BRINP3: variants seen among roughly 807,000 people sequenced by gnomAD.
BRINP3 encodes BMP/retinoic acid-inducible neural-specific protein 3.
A neutral mutation model predicts 71.0 loss-of-function variants in BRINP3; 19 were observed. The observed-to-expected ratio is 0.27, with a 90% CI of 0.19 to 0.39. BRINP3 has a LOEUF of 0.39. Among genes scored for constraint, BRINP3 ranks in the 10% least tolerant of loss-of-function variants. The pLI is 1.00. For synonymous variants in BRINP3, 380 were observed against 337.7 expected (o/e 1.13, Z -1.37); for missense variants, 959 against 940.8 (o/e 1.02, Z -0.25).
intron 2 of BRINP3, among the ~76,000 whole-genome samples, chr1:190,304,392 GAT>G (rs1274724137): frequency 6.6e-6 from 1 of 151,658 alleles, no homozygotes; most frequent in African/African-American, 2.4e-5. Flanking sequence ...ATACTACGAA[GAT>G]ATATTAACCC....
chr1:190,392,037 G>A (rs909852004), intron 2 of BRINP3, among the ~76,000 whole-genome samples: 3 of 131,306 alleles, frequency 2.3e-5, no homozygotes, highest in African/African-American at 8.6e-5. Flanking sequence ...TGTTAAAAAC[G>A]GAACAAGGGT....
At chr1:190,190,219 C>T (rs920636254) in intron 6 of BRINP3, among the ~76,000 whole-genome samples, 1 of 152,044 alleles carries the variant, frequency 6.6e-6, no homozygotes, top group Non-Finnish European at 1.5e-5. Flanking sequence ...CAGGTTTTTG[C>T]AAATGCTGGG....
In BRINP3 at chr1:190,319,160, G is replaced by A. The variant is rs74129279; in HGVS notation, c.237-37410C>T. Reference sequence around the variant, plus strand: ...CTTACATGTGCCTGACTCAAATATCGCACCTTCATCTAAATCCATCCTTTA... The same window carrying A: ...CTTACATGTGCCTGACTCAAATATCACACCTTCATCTAAATCCATCCTTTA... On this transcript the variant is annotated intron_variant, in intron 2 of 7. Transcript: ENST00000367462. 7.1e-3 allele frequency among the ~76,000 whole-genome samples: 1,081 copies of A among 152,056 alleles called. 18 individuals are homozygous for A. The highest frequency in any genetic ancestry group is 0.024 in the African/African-American group (1,013 of 41,474).
intron 6 of BRINP3, among the ~76,000 whole-genome samples, chr1:190,186,503 C>T (rs815343): frequency 0.37 from 55,994 of 152,018 alleles, 10,381 homozygotes; most frequent in Middle Eastern, 0.42. Flanking sequence ...CACATCTTTT[C>T]ACAACAGTGC....
At chr1:190,296,310 G>C (rs1015415423) in intron 2 of BRINP3, among the ~76,000 whole-genome samples, 1 of 151,742 alleles carries the variant, frequency 6.6e-6, no homozygotes, top group Non-Finnish European at 1.5e-5. Flanking sequence ...ACAGAATGAA[G>C]GACAAAATCA....
chr1:190,298,961 T>G (rs1358551023), intron 2 of BRINP3, among the ~76,000 whole-genome samples: 4 of 152,170 alleles, frequency 2.6e-5, no homozygotes, highest in African/African-American at 9.7e-5. Context: ...TATTAAATTT[T>G]GCTTACAATA....
chr1:190,248,996 T>G (rs879484658), intron 4 of BRINP3, among the ~76,000 whole-genome samples: 10 of 151,918 alleles, frequency 6.6e-5, no homozygotes, highest in Non-Finnish European at 1.3e-4. Context: ...CTTATAGTGA[T>G]TTTTCTAAAA....
Position 190,461,248 on chromosome 1 carries a change from G to A in BRINP3, c.-50-6308C>T, listed in dbSNP as rs189359306. ...AACACCAACTTTGTTTTTCAGCCAT[G>A]ACCATAGACCTCATCTTCACCCCAT... On this transcript the variant is annotated intron_variant, in intron 1 of 7. Coordinates refer to ENST00000367462, the MANE Select transcript of BRINP3 (RefSeq NM_199051.3). 9.9e-5 allele frequency among the ~76,000 whole-genome samples: 15 copies of A among 152,242 alleles called. No individual in the cohort carries two copies. In the Middle Eastern group the frequency reaches 0.017, roughly 173 times the overall value.
intron 7 of BRINP3, among the ~76,000 whole-genome samples, chr1:190,155,791 C>T (rs569496363): frequency 2.6e-5 from 4 of 152,154 alleles, no homozygotes; most frequent in South Asian, 4.1e-4. Context: ...TCCTTTCTCT[C>T]TCTCTCCTCT....
chr1:190,203,380 T>C (rs949398957), intron 6 of BRINP3, among the ~76,000 whole-genome samples: 1 of 151,258 alleles, frequency 6.6e-6, no homozygotes, highest in African/African-American at 2.4e-5. Flanking sequence ...AAGAGGCACA[T>C]TGCAAAAGTA....
At chr1:190,324,616 T>TG (rs1558182758) in intron 2 of BRINP3, among the ~76,000 whole-genome samples, 2 of 151,974 alleles carry the variant, frequency 1.3e-5, no homozygotes, top group Non-Finnish European at 2.9e-5. Context: ...TGACTTATTT[T>TG]GGGGAAAATT....
At chr1:190,458,120 T>C (rs1191188772) in intron 1 of BRINP3, among the ~76,000 whole-genome samples, 1 of 152,060 alleles carries the variant, frequency 6.6e-6, no homozygotes, top group East Asian at 1.9e-4. Context: ...AATTATCACA[T>C]AATTCGGGGG....
intron 6 of BRINP3, among the ~76,000 whole-genome samples, chr1:190,191,714 C>T (rs933549141): frequency 4.6e-5 from 7 of 152,028 alleles, no homozygotes; most frequent in East Asian, 3.9e-4. Flanking sequence ...CTGCAATAAA[C>T]GTATGTGTGC....
intron 2 of BRINP3, among the ~76,000 whole-genome samples, chr1:190,360,848 C>A (rs1669096514): frequency 6.6e-6 from 1 of 151,760 alleles, no homozygotes; most frequent in African/African-American, 2.4e-5. Context: ...GAGAAAGATA[C>A]AAGGAAGAAA....
intron 7 of BRINP3, among the ~76,000 whole-genome samples, chr1:190,122,194 A>C (rs541617258): frequency 6.6e-5 from 10 of 152,228 alleles, no homozygotes; most frequent in African/African-American, 2.4e-4. Flanking sequence ...ACTCACTTAC[A>C]TAGCCTTGAA....
At chr1:190,331,079 T>A (rs891749379) in intron 2 of BRINP3, among the ~76,000 whole-genome samples, 10 of 151,876 alleles carry the variant, frequency 6.6e-5, no homozygotes, top group African/African-American at 2.2e-4. Flanking sequence ...GCATATGTAC[T>A]CCCTGAAACT....
rs569081943 is a variant in BRINP3, at chr1:190,207,023, TA to T, written c.961+19058del. Among the ~76,000 whole-genome samples the T allele has an allele frequency of 4.8e-3, 697 of 144,942 alleles. 4 individuals carry two copies. The highest frequency in any genetic ancestry group is 0.014 in the Middle Eastern group (4 of 282). On this transcript the variant is annotated intron_variant, in intron 6 of 7. Coordinates refer to ENST00000367462, the MANE Select transcript of BRINP3 (RefSeq NM_199051.3). ...TTTTTTTTTTCAGAAAAGTGGAAAA[TA>T]AAAAAAAATTCAAAATAAGTAAGAG...
chr1:190,269,304 A>G (rs927490065), intron 3 of BRINP3, among the ~76,000 whole-genome samples: 2 of 152,154 alleles, frequency 1.3e-5, no homozygotes, highest in African/African-American at 2.4e-5. Context: ...TAGAGACATG[A>G]TTATTTAATG....
At chr1:190,349,561 A>G (rs1440709067) in intron 2 of BRINP3, among the ~76,000 whole-genome samples, 1 of 152,122 alleles carries the variant, frequency 6.6e-6, no homozygotes, top group African/African-American at 2.4e-5. Context: ...TTGTAGGCAT[A>G]TAGAAGCTAA....
Sources: allele counts gnomAD v4.1 joint callset (sites outside exome capture counted in the v4.1 genomes callset), GRCh38; gene constraint gnomAD v4.1.1; transcripts MANE v1.5; gene names NCBI Gene and HGNC (gene_info 2026-07-23, HGNC 2026-07-21).